Variants in AUTS2 observed in about 807,000 individuals in gnomAD.
AUTS2 encodes the protein activator of transcription and developmental regulator AUTS2.
In AUTS2, 17 loss-of-function variants were observed where a neutral mutation model predicts 112.4. The observed-to-expected ratio is 0.15, with a 90% confidence interval of 0.10 to 0.23. The LOEUF (loss-of-function observed/expected upper bound fraction) is 0.23, where lower values mean the gene tolerates loss of function less well. Among genes scored for constraint, AUTS2 ranks in the 10% least tolerant of loss-of-function variants. The probability of loss-of-function intolerance (pLI) is 1.00; values close to 1 mark genes in which losing one functional copy is unlikely to be tolerated. For synonymous variants in AUTS2, 751 were observed against 702.7 expected (o/e 1.07, Z -1.09); for missense variants, 1,510 against 1,701.6 (o/e 0.89, Z 1.98).
At chr7:70,010,275 G>T (rs1671957619) in intron 2 of AUTS2, among the ~76,000 whole-genome samples, 1 of 151,992 alleles carries the variant, frequency 6.6e-6, no homozygotes, top group African/African-American at 2.4e-5. Flanking sequence ...CCTCCCAAGT[G>T]GCTAGTACTA....
intron 4 of AUTS2, among the ~76,000 whole-genome samples, chr7:70,271,190 A>G (rs925152317): frequency 5.3e-5 from 8 of 152,208 alleles, no homozygotes; most frequent in African/African-American, 1.9e-4. Flanking sequence ...TGCTTAAAGA[A>G]GATGAGAATT....
intron 1 of AUTS2, among the ~76,000 whole-genome samples, chr7:69,887,068 G>A (rs936040240): frequency 1.9e-4 from 29 of 152,120 alleles, no homozygotes; most frequent in African/African-American, 6.3e-4. Flanking sequence ...ATGAGCCACC[G>A]TGCATAGCCA....
chr7:69,842,407 A>C (rs1792021004), intron 1 of AUTS2, among the ~76,000 whole-genome samples: 1 of 152,210 alleles, frequency 6.6e-6, no homozygotes, highest in South Asian at 2.1e-4. Context: ...ACTGTTCATA[A>C]CATATTCTTT....
At chr7:69,773,928 G>A (rs1788783005) in intron 1 of AUTS2, among the ~76,000 whole-genome samples, 1 of 152,252 alleles carries the variant, frequency 6.6e-6, no homozygotes, top group South Asian at 2.1e-4. Flanking sequence ...GTGCCAGTCA[G>A]TGCCTCATAT....
chr7:70,094,402 C>G (rs1351028819), intron 2 of AUTS2, among the ~76,000 whole-genome samples: 1 of 152,152 alleles, frequency 6.6e-6, no homozygotes, highest in African/African-American at 2.4e-5. Context: ...CACAGTTTCC[C>G]CTTGGGCTTG....
chr7:70,180,620 A>C (rs1809246021), intron 4 of AUTS2, among the ~76,000 whole-genome samples: 1 of 151,596 alleles, frequency 6.6e-6, no homozygotes, highest in Admixed American at 6.6e-5. Context: ...CTCCCTCCTC[A>C]TCTCTGGTTC....
At chr7:70,109,237 A>G (rs907027678) in intron 2 of AUTS2, among the ~76,000 whole-genome samples, 2 of 152,198 alleles carry the variant, frequency 1.3e-5, no homozygotes, top group African/African-American at 4.8e-5. Flanking sequence ...ACCAAATAAT[A>G]TTGTCTCTAA....
At chr7:70,260,688 C>A (rs1400259041) in intron 4 of AUTS2, among the ~76,000 whole-genome samples, 1 of 151,950 alleles carries the variant, frequency 6.6e-6, no homozygotes, top group Admixed American at 6.6e-5. Context: ...AGCAGTCCCA[C>A]TCCTAGGTAT....
intron 6 of AUTS2, among the ~76,000 whole-genome samples, chr7:70,704,155 T>G (rs1809612704): frequency 6.6e-6 from 1 of 152,196 alleles, no homozygotes; most frequent in African/African-American, 2.4e-5. Flanking sequence ...TCCCGAAAAT[T>G]TTCCAATAGT....
At chr7:70,573,538 T>C (rs1802037553) in intron 5 of AUTS2, among the ~76,000 whole-genome samples, 1 of 152,200 alleles carries the variant, frequency 6.6e-6, no homozygotes. Flanking sequence ...ATTTATCCCT[T>C]GCAAAGCAGA....
At chr7:70,714,203 T>A (rs941902665) in intron 6 of AUTS2, among the ~76,000 whole-genome samples, 1 of 152,146 alleles carries the variant, frequency 6.6e-6, no homozygotes, top group African/African-American at 2.4e-5. Flanking sequence ...AAATGAAAAT[T>A]TTCAACTCTA....
At chr7:70,134,779 T>C (rs1562727210) in intron 4 of AUTS2, among the ~76,000 whole-genome samples, 1 of 152,190 alleles carries the variant, frequency 6.6e-6, no homozygotes, top group African/African-American at 2.4e-5. Context: ...GTCCGAGGTA[T>C]ATACCTGGTT....
chr7:70,041,437 G>A (rs1197940771), intron 2 of AUTS2, among the ~76,000 whole-genome samples: 3 of 152,052 alleles, frequency 2.0e-5, no homozygotes, highest in African/African-American at 7.2e-5. Flanking sequence ...CTCCCTCTCT[G>A]TACTAATGAT....
Position 69,803,256 on chromosome 7 carries a change from G to A in AUTS2, c.310-96030G>A, listed in dbSNP as rs377491096. Among the ~76,000 whole-genome samples, 9 of 152,274 alleles carry A rather than the reference G, an allele frequency of 5.9e-5. 1 individual carries two copies. The South Asian group carries it at 1.9e-3, about 32-fold the overall frequency. On this transcript the variant is annotated intron_variant, in intron 1 of 18. Transcript: ENST00000342771. ...ATGTACCGTGCACTCCTTTCTCTTTGATGATCAGCTCTGAAGTGCACCAAT... is the reference window on the plus strand; with the variant it reads ...ATGTACCGTGCACTCCTTTCTCTTTAATGATCAGCTCTGAAGTGCACCAAT...
At chr7:70,213,501 A>G (rs965825438) in intron 4 of AUTS2, among the ~76,000 whole-genome samples, 3 of 150,238 alleles carry the variant, frequency 2.0e-5, no homozygotes, top group African/African-American at 7.4e-5. Context: ...CTATCACTGC[A>G]CTCCAGCCGA....
At chr7:69,984,508 G>T (rs1194965467) in intron 2 of AUTS2, among the ~76,000 whole-genome samples, 2 of 152,034 alleles carry the variant, frequency 1.3e-5, no homozygotes, top group Non-Finnish European at 2.9e-5. Context: ...CCTGGTGGAG[G>T]AGTTATTAGG....
chr7:70,361,793 C>G (rs1792281727), intron 4 of AUTS2, among the ~76,000 whole-genome samples: 1 of 152,142 alleles, frequency 6.6e-6, no homozygotes, highest in Non-Finnish European at 1.5e-5. Context: ...TGGGTTCTGC[C>G]TGTGACTTGT....
intron 1 of AUTS2, among the ~76,000 whole-genome samples, chr7:69,756,931 A>C (rs1787969146): frequency 6.6e-6 from 1 of 152,030 alleles, no homozygotes. Flanking sequence ...CAATAAAGAA[A>C]CCCTTTATTT....
intron 2 of AUTS2, among the ~76,000 whole-genome samples, chr7:69,955,107 A>G (rs1361268109): frequency 6.6e-6 from 1 of 152,154 alleles, no homozygotes; most frequent in East Asian, 1.9e-4. Flanking sequence ...GTGCTGTAGG[A>G]AGCTGGATAT....
Sources: gnomAD v4.1 joint callset for allele counts (sites outside exome capture counted in the v4.1 genomes callset) on GRCh38, gnomAD v4.1.1 for gene constraint, MANE v1.5 for transcripts, NCBI Gene and HGNC (gene_info 2026-07-23, HGNC 2026-07-21) for gene names.